Variants in SLC17A6 observed in about 807,000 individuals in gnomAD.
SLC17A6 encodes the protein vesicular glutamate transporter 2.
A neutral mutation model predicts 67.1 loss-of-function variants in SLC17A6; 35 were observed. That is an observed-to-expected ratio of 0.52 (90% CI 0.40 to 0.69). The LOEUF is 0.69. Ranked by LOEUF, SLC17A6 falls within the 30% of genes least tolerant of loss-of-function variation. The probability of loss-of-function intolerance (pLI) is 0.00; values close to 1 mark genes in which losing one functional copy is unlikely to be tolerated. For synonymous variants in SLC17A6, 285 were observed against 252.3 expected, an observed-to-expected ratio of 1.13 and a Z score of -1.23; for missense variants, 588 against 723.9, an observed-to-expected ratio of 0.81 and a Z score of 2.15.
chr11:22,345,374 C>T (rs536887017), intron 3 of SLC17A6, among the ~76,000 whole-genome samples: 7 of 150,826 alleles, frequency 4.6e-5, no homozygotes, highest in East Asian at 3.9e-4. Flanking sequence ...TGCAGTGGCA[C>T]GAACTGGGCT....
chr11:22,375,302 G>A (rs1015898218), intron 9 of SLC17A6, among the ~76,000 whole-genome samples: 6 of 149,792 alleles, frequency 4.0e-5, no homozygotes, highest in African/African-American at 1.5e-4. Context: ...AACCTTGGAG[G>A]CAGAGGTTGC....
intron 7 of SLC17A6, among the ~76,000 whole-genome samples, chr11:22,366,681 A>C (rs1856116457): frequency 6.6e-6 from 1 of 152,194 alleles, no homozygotes; most frequent in Non-Finnish European, 1.5e-5. Flanking sequence ...TTAATACAAA[A>C]GCCACCTGAT....
intron 6 of SLC17A6, among the ~76,000 whole-genome samples, chr11:22,363,995 T>G (rs1004832212): frequency 5.3e-5 from 8 of 152,148 alleles, no homozygotes; most frequent in African/African-American, 1.9e-4. Context: ...GAATACAAAT[T>G]TAAACAAGGC....
chr11:22,338,466 C>T lies in SLC17A6; in HGVS notation c.-68C>T, dbSNP rs906781515. The T allele has an allele frequency of 6.1e-6, 7 of 1,139,038 alleles. No individual in the cohort carries two copies. Among genetic ancestry groups the T allele is most frequent in the Non-Finnish European group, 7.9e-6 (6 of 757,142 alleles). 70.6% of individuals were successfully genotyped at this position (1,139,038 alleles called of 1,614,324 possible). On this transcript the variant is annotated 5_prime_UTR_variant, in exon 1 of 12. Coordinates refer to ENST00000263160, the MANE Select transcript of SLC17A6 (RefSeq NM_020346.3). ...TACTTTAAGAGATTAAGACAATATG[C>T]GCAATCCTCGCCTTTCCTAGCAATC...
At chr11:22,348,026 G>C (rs1855897467) in intron 3 of SLC17A6, among the ~76,000 whole-genome samples, 1 of 152,160 alleles carries the variant, frequency 6.6e-6, no homozygotes, top group African/African-American at 2.4e-5. Context: ...ACAACAGGAA[G>C]AACCCATATT....
rs368630509 is a variant in SLC17A6 at position 22,360,031 on chromosome 11, G to A, written c.573+504G>A. ...TTGAAAGAATTCCACTTAAAAACTCGAGTTCGGCTTACCAATTTCCCCTTC... is the reference window on the plus strand; with the variant it reads ...TTGAAAGAATTCCACTTAAAAACTCAAGTTCGGCTTACCAATTTCCCCTTC... On this transcript the variant is annotated intron_variant, in intron 4 of 11. Transcript: ENST00000263160. Among the ~76,000 whole-genome samples, 20 of 151,646 alleles carry A rather than the reference G, an allele frequency of 1.3e-4. 1 individual carries two copies. The East Asian group carries it at 3.3e-3, about 25-fold the overall frequency.
chr11:22,376,798 G>T, intron 11 of SLC17A6, 126 bp downstream of exon 11: 2 of 947,204 alleles, frequency 2.1e-6, no homozygotes, highest in Non-Finnish European at 3.2e-6. Flanking sequence ...ATCTCTGAGT[G>T]GGAAATATAA....
chr11:22,340,320 T>G (rs1368355774), intron 1 of SLC17A6, among the ~76,000 whole-genome samples: 1 of 152,228 alleles, frequency 6.6e-6, no homozygotes, highest in Non-Finnish European at 1.5e-5. Context: ...CGTACAGAGA[T>G]GTTACCTTAT....
rs552166826 is a variant in SLC17A6 at position 22,361,896 on chromosome 11, C to T, written c.662-843C>T. On this transcript the variant is annotated intron_variant, in intron 5 of 11. Coordinates refer to ENST00000263160, the MANE Select transcript of SLC17A6 (RefSeq NM_020346.3). ...TAATGCTAGTAATAGGAAATTAAGG[C>T]TGCTGTGATTTTGCTGTATACTTAA... Among the ~76,000 whole-genome samples the T allele has an allele frequency of 2.6e-5, 4 of 152,288 alleles. 1 individual carries two copies. The South Asian group carries it at 8.3e-4, about 32-fold the overall frequency.
intron 9 of SLC17A6, 95 bp downstream of exon 9, chr11:22,374,982 G>T: frequency 8.2e-7 from 1 of 1,220,442 alleles, no homozygotes; most frequent in Non-Finnish European, 1.1e-6. Context: ...AAATTACTTA[G>T]ATGCAGTTAC....
intron 6 of SLC17A6, among the ~76,000 whole-genome samples, chr11:22,364,581 T>C (rs1856087688): frequency 6.6e-6 from 1 of 152,050 alleles, no homozygotes; most frequent in Non-Finnish European, 1.5e-5. Context: ...GTTCAGTAGT[T>C]AAAAGGAACA....
intron 7 of SLC17A6, among the ~76,000 whole-genome samples, chr11:22,365,933 T>C (rs2133873046): frequency 6.6e-6 from 1 of 152,314 alleles, no homozygotes; most frequent in Admixed American, 6.5e-5. Flanking sequence ...TAACTATGAC[T>C]GCAAACCTAA....
intron 3 of SLC17A6, among the ~76,000 whole-genome samples, chr11:22,351,151 T>C (rs1855933093): frequency 1.3e-5 from 2 of 152,140 alleles, no homozygotes; most frequent in Non-Finnish European, 2.9e-5. Flanking sequence ...AAATTAGAAT[T>C]GAATCAAATA....
chr11:22,365,720 T>C, intron 7 of SLC17A6, 31 bp downstream of exon 7: 1 of 1,586,196 alleles, frequency 6.3e-7, no homozygotes, highest in African/African-American at 1.4e-5. Context: ...TATATTCCTA[T>C]CTTATTCCCA....
intron 1 of SLC17A6, among the ~76,000 whole-genome samples, chr11:22,340,070 C>T (rs904343184): frequency 1.2e-4 from 18 of 152,342 alleles, no homozygotes; most frequent in Non-Finnish European, 2.1e-4. Flanking sequence ...GGAAGCCTGA[C>T]ATTTTTCTTC....
intron 3 of SLC17A6, among the ~76,000 whole-genome samples, chr11:22,347,258 G>C (rs1855888113): frequency 6.6e-6 from 1 of 151,676 alleles, no homozygotes; most frequent in South Asian, 2.1e-4. Context: ...AAAAAAAGCA[G>C]TAAGATTTAG....
intron 3 of SLC17A6, among the ~76,000 whole-genome samples, chr11:22,352,779 A>T (rs191429599): frequency 6.6e-6 from 1 of 152,298 alleles, no homozygotes; most frequent in Non-Finnish European, 1.5e-5. Context: ...ATGAGTGAGT[A>T]TTGAAGGATA....
At chr11:22,349,554 C>T (rs977526640) in intron 3 of SLC17A6, among the ~76,000 whole-genome samples, 13 of 152,322 alleles carry the variant, frequency 8.5e-5, no homozygotes, top group Non-Finnish European at 1.6e-4. Context: ...CTAGCTCTGG[C>T]TTTTCCCGCT....
At chr11:22,372,731 A>T (rs114069858) in intron 8 of SLC17A6, among the ~76,000 whole-genome samples, 2,344 of 152,236 alleles carry the variant, frequency 0.015, 53 homozygotes, top group African/African-American at 0.054. Flanking sequence ...GAATAAATCA[A>T]TTATAAGCTC....
Sources: allele counts gnomAD v4.1 joint callset (sites outside exome capture counted in the v4.1 genomes callset), GRCh38; gene constraint gnomAD v4.1.1; transcripts MANE v1.5; gene names NCBI Gene and HGNC (gene_info 2026-07-23, HGNC 2026-07-21).